KAT6A: variants seen among roughly 807,000 people sequenced by gnomAD.
The protein encoded by KAT6A is lysine acetyltransferase 6A, also known as histone acetyltransferase KAT6A.
A neutral mutation model predicts 198.4 loss-of-function variants in KAT6A; 9 were observed. The observed-to-expected ratio is 0.05, with a 90% CI of 0.03 to 0.08. The LOEUF is 0.08. Ranked by LOEUF, KAT6A falls within the 10% of genes least tolerant of loss-of-function variation. The pLI is 1.00. For synonymous variants in KAT6A, 890 were observed against 883.0 expected (o/e 1.01, Z -0.14); for missense variants, 2,077 against 2,509.9 (o/e 0.83, Z 3.69).
intron 8 of KAT6A, among the ~76,000 whole-genome samples, chr8:41,969,008 T>C (rs552703048): frequency 1.3e-5 from 2 of 152,290 alleles, no homozygotes; most frequent in South Asian, 4.1e-4. Flanking sequence ...CATGCAAAGT[T>C]TGATTATTCA....
At chr8:41,963,615 A>G (rs1457344972) in intron 8 of KAT6A, among the ~76,000 whole-genome samples, 1 of 152,194 alleles carries the variant, frequency 6.6e-6, no homozygotes, top group East Asian at 1.9e-4. Flanking sequence ...TACTGTAATC[A>G]TCTGACTGGT....
At chr8:41,987,638 GT>G in intron 2 of KAT6A, 75 bp from the exon 3 acceptor site, 1 of 881,998 alleles carries the variant, frequency 1.1e-6, no homozygotes, top group South Asian at 1.5e-5. Context: ...CAAAATTATA[GT>G]TTTAAATTCC....
intron 2 of KAT6A, among the ~76,000 whole-genome samples, chr8:42,004,194 A>G (rs762783167): frequency 3.6e-4 from 55 of 152,344 alleles, no homozygotes; most frequent in Admixed American, 3.9e-4. Flanking sequence ...TTGTAAAATT[A>G]AGACGTGTGC....
intron 2 of KAT6A, 100 bp from the exon 3 acceptor site, chr8:41,987,663 T>G (rs1415915665): frequency 2.6e-6 from 2 of 771,240 alleles, no homozygotes; most frequent in Non-Finnish European, 4.3e-6. Context: ...CAGAGTAAGT[T>G]TAGGACAATT....
chr8:42,017,661 A>T (rs1826340554), intron 2 of KAT6A, among the ~76,000 whole-genome samples: 1 of 152,172 alleles, frequency 6.6e-6, no homozygotes, highest in African/African-American at 2.4e-5. Flanking sequence ...GAGGGTTAAG[A>T]AGAGCATGGC....
intron 2 of KAT6A, among the ~76,000 whole-genome samples, chr8:42,036,508 G>A (rs181595768): frequency 6.6e-6 from 1 of 152,276 alleles, no homozygotes; most frequent in Admixed American, 6.5e-5. Flanking sequence ...AGCTGCTTGG[G>A]AGGCTGAGGC....
intron 2 of KAT6A, among the ~76,000 whole-genome samples, chr8:41,996,130 T>G (rs892274867): frequency 6.6e-6 from 1 of 152,244 alleles, no homozygotes; most frequent in African/African-American, 2.4e-5. Context: ...GAACCTGTTT[T>G]ATTATATGCA....
At chr8:41,969,696 T>C (rs1823679328) in intron 8 of KAT6A, among the ~76,000 whole-genome samples, 1 of 152,190 alleles carries the variant, frequency 6.6e-6, no homozygotes, top group Non-Finnish European at 1.5e-5. Context: ...CTAAAAACCA[T>C]TCAATGTCTT....
chr8:42,014,603 C>G (rs1826179345), intron 2 of KAT6A, among the ~76,000 whole-genome samples: 1 of 152,134 alleles, frequency 6.6e-6, no homozygotes, highest in Admixed American at 6.6e-5. Context: ...CAATAAGGGG[C>G]AGCAGGTTAC....
intron 2 of KAT6A, among the ~76,000 whole-genome samples, chr8:42,009,903 AAAAAAAAAAAAC>A (rs1000884783): frequency 1.4e-5 from 2 of 143,960 alleles, no homozygotes; most frequent in African/African-American, 2.6e-5. Flanking sequence ...TCAAAAAAAA[AAAAAAAAAAAAC>A]AAAAAAAAAC....
chr8:42,051,766 G>A (rs1802673571), intron 1 of KAT6A, 135 bp downstream of exon 1: 1 of 146,364 alleles, frequency 6.8e-6, no homozygotes, highest in East Asian at 2.0e-4. Flanking sequence ...GCGCAGAGCA[G>A]CGGGAGGCGG....
chr8:41,943,500 T>C (rs1822242187), intron 13 of KAT6A, among the ~76,000 whole-genome samples: 1 of 152,156 alleles, frequency 6.6e-6, no homozygotes, highest in Non-Finnish European at 1.5e-5. Context: ...AAAGATTCAG[T>C]AGCTTAGGTC....
At chr8:42,048,302 T>A in intron 2 of KAT6A, 76 bp downstream of exon 2, 1 of 1,522,188 alleles carries the variant, frequency 6.6e-7, no homozygotes, top group Middle Eastern at 1.8e-4. Flanking sequence ...AACTTGAATA[T>A]AACTTCCCAG....
chr8:41,985,934 T>TTTTG (rs1006218674), intron 3 of KAT6A, among the ~76,000 whole-genome samples: 33 of 151,886 alleles, frequency 2.2e-4, no homozygotes, highest in African/African-American at 7.5e-4. Context: ...TAAGTTTTTT[T>TTTTG]TTTGTTTGTT....
At chr8:42,043,704 T>G (rs1270877547) in intron 2 of KAT6A, 1 of 152,230 alleles carries the variant, frequency 6.6e-6, no homozygotes, top group Non-Finnish European at 1.5e-5. Flanking sequence ...GATTCTGTAC[T>G]TGAGTGCAGT....
intron 8 of KAT6A, among the ~76,000 whole-genome samples, chr8:41,971,610 CTTTT>C (rs35976311): frequency 6.9e-6 from 1 of 145,300 alleles, no homozygotes. Context: ...AGAACAGACT[CTTTT>C]TTTTTTTTTT....
chr8:41,955,902 T>C (rs761658056), intron 8 of KAT6A, among the ~76,000 whole-genome samples: 1 of 152,102 alleles, frequency 6.6e-6, no homozygotes, highest in Non-Finnish European at 1.5e-5. Flanking sequence ...TTAAGAGAAA[T>C]ACAAAAAGAA....
rs370950930 is a variant in KAT6A, at chr8:42,042,000, C to T, written c.600+6378G>A. Among the ~76,000 whole-genome samples, 4 of 152,150 alleles carry T rather than the reference C, an allele frequency of 2.6e-5. No individual in the cohort carries two copies. In the East Asian group the frequency reaches 5.8e-4, roughly 22 times the overall value. Reference sequence around the variant, plus strand: ...TTATTGCCTTTTTATACAGTATCAACGCAACAGAGTAATTGAAATTGAAAT... The same window carrying T: ...TTATTGCCTTTTTATACAGTATCAATGCAACAGAGTAATTGAAATTGAAAT... On this transcript the variant is annotated intron_variant, in intron 2 of 16. Transcript: ENST00000265713.
At chr8:41,970,844 T>C (rs1005016450) in intron 8 of KAT6A, among the ~76,000 whole-genome samples, 1 of 152,166 alleles carries the variant, frequency 6.6e-6, no homozygotes, top group Non-Finnish European at 1.5e-5. Context: ...AATGATAGAC[T>C]GGATTAAGAA....
Sources: gnomAD v4.1 joint callset for allele counts (sites outside exome capture counted in the v4.1 genomes callset) on GRCh38, gnomAD v4.1.1 for gene constraint, MANE v1.5 for transcripts, NCBI Gene and HGNC (gene_info 2026-07-23, HGNC 2026-07-21) for gene names.